Variants in TMC3 observed in about 807,000 individuals in gnomAD.
TMC3 encodes the protein transmembrane channel-like protein 3.
Under a neutral mutation model 110.6 loss-of-function variants are expected in TMC3, and 98 were observed. The observed-to-expected ratio is 0.89, with a 90% confidence interval of 0.75 to 1.05. TMC3 has a LOEUF of 1.05. Among genes scored for constraint, TMC3 ranks in the 50% least tolerant of loss-of-function variants. The probability of loss-of-function intolerance (pLI) is 0.00; values close to 1 mark genes in which losing one functional copy is unlikely to be tolerated. For missense variants in TMC3, 1,319 were observed against 1,373.2 expected, an observed-to-expected ratio of 0.96 and a Z score of 0.62; for synonymous variants, 489 against 513.1, an observed-to-expected ratio of 0.95 and a Z score of 0.63.
chr15:81,348,151 A>G (rs906580862), intron 11 of TMC3, among the ~76,000 whole-genome samples: 1 of 152,214 alleles, frequency 6.6e-6, no homozygotes, highest in Non-Finnish European at 1.5e-5. Flanking sequence ...GGTGATAGAG[A>G]CTGTGTGACC....
intron 19 of TMC3, among the ~76,000 whole-genome samples, chr15:81,336,915 G>T (rs1246488128): frequency 6.6e-6 from 1 of 152,146 alleles, no homozygotes; most frequent in Non-Finnish European, 1.5e-5. Flanking sequence ...TTTAGATTCT[G>T]TCCATAATAG....
At chr15:81,341,329 G>C in intron 16 of TMC3, 61 bp downstream of exon 16, 2 of 1,506,202 alleles carry the variant, frequency 1.3e-6, no homozygotes, top group African/African-American at 2.8e-5. Context: ...GGGTAAGGCA[G>C]GCATGGATTA....
chr15:81,343,959 C>T lies in TMC3; in HGVS notation c.1605G>A (p.Arg535=), dbSNP rs1434674227. The change falls in exon 14 of 22, where the codon CGG becomes CGA. Residue 535 remains arginine (R), a synonymous_variant. Transcript: ENST00000359440. The stretch of plus-strand genomic sequence containing the variant: ...CCCAACACCAGTAGTCACTTAAGTA[C>T]CGCACGAAAAGTCCTCGGAAGAAGT... ...LIDFFRGLFV[R]YLSDYWCWDL... is the part of the protein sequence containing the mutation. The T allele has an allele frequency of 6.2e-7, 1 of 1,613,202 alleles. No individual in the cohort carries two copies. The highest frequency in any genetic ancestry group is 1.1e-5 in the South Asian group (1 of 91,060).
intron 8 of TMC3, 56 bp from the exon 9 acceptor site, chr15:81,355,824 C>A (rs537514409): frequency 3.4e-6 from 4 of 1,182,328 alleles, no homozygotes; most frequent in Non-Finnish European, 3.7e-6. Context: ...AATTATAAAT[C>A]ATTAGAAATA....
At chr15:81,349,954 C>A (rs567018213) in intron 10 of TMC3, among the ~76,000 whole-genome samples, 214 of 135,206 alleles carry the variant, frequency 1.6e-3, no homozygotes, top group African/African-American at 6.4e-3. Flanking sequence ...AAGACCCCAT[C>A]TCTACAAAAA....
chr15:81,365,670 C>CAAAAAA (rs398043535), intron 3 of TMC3, among the ~76,000 whole-genome samples: 3 of 82,176 alleles, frequency 3.7e-5, no homozygotes, highest in East Asian at 4.0e-4. Flanking sequence ...GACTCTGTCT[C>CAAAAAA]AAAAAAAAAA....
At position 81,334,715 on chromosome 15, in the gene TMC3, C is replaced by T; in HGVS notation, c.2459+5G>A. ...GTTTTAATCTGTGCTGCAGTGGAGC[C>T]TCACCTGTTAGTTTCATGCTCTAGC... On this transcript the variant is annotated splice_donor_5th_base_variant and intron_variant, in intron 21 of 21. Coordinates refer to ENST00000359440, the MANE Select transcript of TMC3 (RefSeq NM_001080532.3). The T allele has an allele frequency of 6.2e-7, 1 of 1,612,844 alleles. No individual in the cohort carries two copies. The highest frequency in any genetic ancestry group is 8.5e-7 in the Non-Finnish European group (1 of 1,179,040).
At chr15:81,347,713 A>T (rs1006592844) in intron 11 of TMC3, among the ~76,000 whole-genome samples, 7 of 152,256 alleles carry the variant, frequency 4.6e-5, no homozygotes, top group African/African-American at 1.7e-4. Flanking sequence ...GAAGTCTCTG[A>T]TGCCTCTGTT....
chr15:81,367,473 G>T (rs1894340676), intron 3 of TMC3, among the ~76,000 whole-genome samples: 1 of 152,154 alleles, frequency 6.6e-6, no homozygotes, highest in South Asian at 2.1e-4. Flanking sequence ...ACACATTTAT[G>T]AAATGACTTT....
intron 13 of TMC3, 96 bp from the exon 14 acceptor site, chr15:81,344,141 G>C (rs1596082556): frequency 4.3e-5 from 59 of 1,381,180 alleles, no homozygotes; most frequent in Middle Eastern, 2.7e-4. Context: ...ATTCTTGTGG[G>C]CCCCAGCCAG....
At chr15:81,354,764 A>G (rs560443048) in intron 9 of TMC3, among the ~76,000 whole-genome samples, 1 of 152,290 alleles carries the variant, frequency 6.6e-6, no homozygotes, top group South Asian at 2.1e-4. Flanking sequence ...TCTTCCCTCT[A>G]CACATGTTTT....
intron 16 of TMC3, among the ~76,000 whole-genome samples, chr15:81,341,045 T>C (rs560061536): frequency 6.6e-6 from 1 of 152,372 alleles, no homozygotes; most frequent in South Asian, 2.1e-4. Context: ...GTGGGCATGC[T>C]CTGGTTGCCA....
At chr15:81,342,293 A>C (rs1489970558) in intron 15 of TMC3, among the ~76,000 whole-genome samples, 1 of 152,218 alleles carries the variant, frequency 6.6e-6, no homozygotes, top group Non-Finnish European at 1.5e-5. Context: ...ACATGGACAT[A>C]AGAGTATGTT....
At position 81,331,238 on chromosome 15, in the gene TMC3, C is replaced by G. The variant is rs1027227745; in HGVS notation, c.*1181G>C. The G allele has an allele frequency of 6.6e-6, 1 of 152,200 alleles. No individual in the cohort carries two copies. Among genetic ancestry groups the G allele is most frequent in the Non-Finnish European group, 1.5e-5 (1 of 68,034 alleles). The allele number at this position is 152,200 out of a possible 1,614,324, so 9.4% of individuals were successfully genotyped here. ...GAGGCAGGAAGCGTACTTACAGAAGCGAGAGCAAAGGCAGTTGTTCAGTCT... is the reference window on the plus strand; with the variant it reads ...GAGGCAGGAAGCGTACTTACAGAAGGGAGAGCAAAGGCAGTTGTTCAGTCT... On this transcript the variant is annotated 3_prime_UTR_variant, in exon 22 of 22. Coordinates refer to ENST00000359440, the MANE Select transcript of TMC3 (RefSeq NM_001080532.3).
At chr15:81,359,313 T>G in intron 5 of TMC3, 52 bp downstream of exon 5, 3 of 1,310,928 alleles carry the variant, frequency 2.3e-6, no homozygotes, top group Non-Finnish European at 3.2e-6. Context: ...TTTATGCGAC[T>G]GCTGTAATGT....
chr15:81,348,450 G>A (rs1893872071), intron 11 of TMC3, among the ~76,000 whole-genome samples: 1 of 152,170 alleles, frequency 6.6e-6, no homozygotes, highest in Non-Finnish European at 1.5e-5. Context: ...GGGGAGAACA[G>A]GCAAATTTTT....
chr15:81,370,103 C>A (rs951399233), intron 2 of TMC3, among the ~76,000 whole-genome samples: 1 of 152,144 alleles, frequency 6.6e-6, no homozygotes, highest in African/African-American at 2.4e-5. Context: ...AACCAAGGCC[C>A]AGTCATAGAC....
At chr15:81,359,582 A>T in intron 4 of TMC3, 111 bp from the exon 5 acceptor site, 1 of 684,122 alleles carries the variant, frequency 1.5e-6, no homozygotes. Flanking sequence ...ATAGAGTAAG[A>T]ATGCCATTAT....
At chr15:81,368,737 G>T (rs1272608274) in intron 2 of TMC3, among the ~76,000 whole-genome samples, 2 of 152,082 alleles carry the variant, frequency 1.3e-5, no homozygotes, top group East Asian at 3.9e-4. Flanking sequence ...ATCAGACCTG[G>T]CTTCAGAGAA....
Sources: gnomAD v4.1 joint callset for allele counts (sites outside exome capture counted in the v4.1 genomes callset) on GRCh38, gnomAD v4.1.1 for gene constraint, MANE v1.5 for transcripts, NCBI Gene and HGNC (gene_info 2026-07-23, HGNC 2026-07-21) for gene names.